The following SLMAP variants were observed in gnomAD, a reference collection of about 807,000 sequenced individuals.
SLMAP encodes the protein sarcolemma associated protein.
A neutral mutation model predicts 128.8 loss-of-function variants in SLMAP; 44 were observed. The ratio of observed to expected loss-of-function variants is 0.34; its 90% CI spans 0.27 to 0.44. The LOEUF (loss-of-function observed/expected upper bound fraction) is 0.44. Ranked by LOEUF, SLMAP falls within the 20% of genes least tolerant of loss-of-function variation. The pLI, the probability that SLMAP is intolerant of heterozygous loss-of-function variation, is 1.00. For synonymous variants in SLMAP, 327 were observed against 348.8 expected (o/e 0.94, Z 0.70); for missense variants, 787 against 985.3 (o/e 0.80, Z 2.69).
chr3:57,853,504 G>T (rs562956936), intron 6 of SLMAP, among the ~76,000 whole-genome samples: 1 of 152,106 alleles, frequency 6.6e-6, no homozygotes, highest in Non-Finnish European at 1.5e-5. Flanking sequence ...AATAGAACAA[G>T]GTGAAGAAGG....
Position 57,883,689 on chromosome 3 carries a change from C to A in SLMAP, c.1301-6352C>A, listed in dbSNP as rs1024289518. On this transcript the variant is annotated intron_variant, in intron 14 of 24. Transcript: ENST00000671191. ...GACTACAGTGGATAATAGATGCCAA[C>A]AAAATTTTGGAAAATGTGAAACATA... Among the ~76,000 whole-genome samples, 5 of 152,006 alleles carry A rather than the reference C, an allele frequency of 3.3e-5. No homozygotes were observed. The East Asian group carries it at 9.7e-4, about 29-fold the overall frequency.
rs573278044 is a variant in SLMAP at position 57,888,520 on chromosome 3, G to C, written c.1301-1521G>C. 1.8e-4 allele frequency among the ~76,000 whole-genome samples: 28 copies of C among 152,034 alleles called. No homozygotes were observed. The East Asian group carries it at 5.2e-3, about 28-fold the overall frequency. ...TAGTCCCAGCTACTTGGGAGGCCGA[G>C]GCAGGAGAATCATTTGAACCCGGGA... On this transcript the variant is annotated intron_variant, in intron 14 of 24. Transcript: ENST00000671191.
At chr3:57,797,580 A>G (rs140292164) in intron 2 of SLMAP, among the ~76,000 whole-genome samples, 20 of 151,740 alleles carry the variant, frequency 1.3e-4, no homozygotes, top group African/African-American at 3.9e-4. Flanking sequence ...TTATTCTTGG[A>G]AGCTGGGAGG....
chr3:57,786,415 C>A (rs2084108584), intron 2 of SLMAP, among the ~76,000 whole-genome samples: 1 of 152,122 alleles, frequency 6.6e-6, no homozygotes, highest in Non-Finnish European at 1.5e-5. Context: ...AAGCAAGTCA[C>A]GTGGCCATGC....
At chr3:57,872,643 C>T (rs1012373045) in intron 14 of SLMAP, among the ~76,000 whole-genome samples, 1 of 152,114 alleles carries the variant, frequency 6.6e-6, no homozygotes, top group African/African-American at 2.4e-5. Context: ...ACAAACAAAA[C>T]GATAAATTGG....
rs140393554 is a variant in SLMAP, at chr3:57,847,013, G to C, written c.420-184G>C. Among the ~76,000 whole-genome samples, 65 of 152,152 alleles carry C rather than the reference G, an allele frequency of 4.3e-4. No individual in the cohort carries two copies. In the South Asian group the frequency reaches 0.012, roughly 28 times the overall value. On this transcript the variant is annotated intron_variant, in intron 4 of 24. Transcript: ENST00000671191. The stretch of plus-strand genomic sequence containing the variant: ...AACTATATTGATGTGTACAAGGTAG[G>C]TTTACATATTTTTGTTTTCTAAGAA...
At chr3:57,864,462 A>C (rs1297454358) in intron 10 of SLMAP, 86 bp from the exon 11 acceptor site, 10 of 788,532 alleles carry the variant, frequency 1.3e-5, no homozygotes, top group Non-Finnish European at 1.8e-5. Flanking sequence ...TTTTCTTAGA[A>C]GTTTAAGTGA....
At chr3:57,919,726 T>C (rs541891678) in intron 22 of SLMAP, among the ~76,000 whole-genome samples, 21 of 147,908 alleles carry the variant, frequency 1.4e-4, no homozygotes, top group African/African-American at 4.8e-4. Context: ...ACCCGGGAAG[T>C]GGAGGTTGTG....
intron 2 of SLMAP, among the ~76,000 whole-genome samples, chr3:57,783,073 G>A (rs1272084046): frequency 6.6e-6 from 1 of 152,162 alleles, no homozygotes; most frequent in Non-Finnish European, 1.5e-5. Context: ...CCAAGAAGTG[G>A]GGTTGTTGCT....
At chr3:57,781,757 G>C (rs1576401396) in intron 2 of SLMAP, among the ~76,000 whole-genome samples, 1 of 104,006 alleles carries the variant, frequency 9.6e-6, no homozygotes, top group South Asian at 3.3e-4. Context: ...TTTTGAGATG[G>C]AGTTTCACTC....
rs1286604978 is a variant in SLMAP, at chr3:57,927,935, T to C, written c.*646T>C. 1 of 152,438 alleles carries C rather than the reference T, an allele frequency of 6.6e-6. No individual in the cohort carries two copies. The highest frequency in any genetic ancestry group is 1.5e-5 in the Non-Finnish European group (1 of 68,006). 9.4% of individuals were successfully genotyped at this position (152,438 alleles called of 1,614,324 possible). On this transcript the variant is annotated 3_prime_UTR_variant, in exon 25 of 25. Coordinates refer to ENST00000671191, the MANE Select transcript of SLMAP (RefSeq NM_001377540.1). ...GGAACAAGACTTAGAGACAACTATT[T>C]GCGTGGATTTTTTTTTTTTTAAGGA...
chr3:57,798,812 A>G (rs1347997085), intron 2 of SLMAP, among the ~76,000 whole-genome samples: 1 of 152,150 alleles, frequency 6.6e-6, no homozygotes, highest in Non-Finnish European at 1.5e-5. Context: ...TACTTTTATA[A>G]TATTATTTTA....
At chr3:57,797,851 G>T (rs976028257) in intron 2 of SLMAP, among the ~76,000 whole-genome samples, 15 of 152,178 alleles carry the variant, frequency 9.9e-5, no homozygotes, top group Admixed American at 4.6e-4. Context: ...TGGTAGAGCG[G>T]TAAAGATCTG....
At chr3:57,886,621 G>A (rs1465651712) in intron 14 of SLMAP, among the ~76,000 whole-genome samples, 3 of 148,372 alleles carry the variant, frequency 2.0e-5, no homozygotes, top group South Asian at 2.1e-4. Flanking sequence ...GAAAATTTGA[G>A]GTTTAATCCT....
chr3:57,830,907 C>CTT (rs2093297683), intron 2 of SLMAP, among the ~76,000 whole-genome samples: 1 of 152,206 alleles, frequency 6.6e-6, no homozygotes, highest in Non-Finnish European at 1.5e-5. Flanking sequence ...GTTATCAATA[C>CTT]TTCACCCCTT....
At chr3:57,820,172 A>G (rs555793611) in intron 2 of SLMAP, among the ~76,000 whole-genome samples, 56 of 152,342 alleles carry the variant, frequency 3.7e-4, no homozygotes, top group African/African-American at 1.3e-3. Flanking sequence ...AGAGTATTGC[A>G]TATTTAAAAT....
chr3:57,794,419 T>C (rs2086235160), intron 2 of SLMAP, among the ~76,000 whole-genome samples: 1 of 152,346 alleles, frequency 6.6e-6, no homozygotes, highest in Middle Eastern at 3.4e-3. Flanking sequence ...TTTCAAAATT[T>C]ATGTTTTTTT....
At chr3:57,835,173 C>T (rs898195167) in intron 3 of SLMAP, among the ~76,000 whole-genome samples, 3 of 149,608 alleles carry the variant, frequency 2.0e-5, no homozygotes, top group African/African-American at 4.9e-5. Flanking sequence ...GACACAGTGG[C>T]TCCCACCTGT....
At position 57,820,199 on chromosome 3, in the gene SLMAP, G is replaced by A. The variant is rs139583388; in HGVS notation, c.199-11184G>A. Among the ~76,000 whole-genome samples the A allele has an allele frequency of 4.2e-3, 643 of 152,112 alleles. 6 individuals are homozygous for A. Among genetic ancestry groups the A allele is most frequent in the African/African-American group, 0.015 (623 of 41,480 alleles). On this transcript the variant is annotated intron_variant, in intron 2 of 24. Coordinates refer to ENST00000671191, the MANE Select transcript of SLMAP (RefSeq NM_001377540.1). ...ATTTAAAATATCACAATATCCCCTC[G>A]TTCTGTTCCTAATATGCTAAAATAC... is the stretch of plus-strand genomic sequence containing the variant.
Sources: gnomAD v4.1 joint callset for allele counts (sites outside exome capture counted in the v4.1 genomes callset) on GRCh38, gnomAD v4.1.1 for gene constraint, MANE v1.5 for transcripts, NCBI Gene and HGNC (gene_info 2026-07-23, HGNC 2026-07-21) for gene names.